GREB1: variants seen among roughly 807,000 people sequenced by gnomAD.
GREB1 encodes protein GREB1.
In GREB1, 106 loss-of-function variants were observed where a neutral mutation model predicts 200.7. The ratio of observed to expected loss-of-function variants is 0.53; its 90% CI spans 0.45 to 0.62. The LOEUF (loss-of-function observed/expected upper bound fraction) is 0.62. Ranked by LOEUF, GREB1 falls within the 20% of genes least tolerant of loss-of-function variation. The pLI is 0.00. For missense variants in GREB1, 2,243 were observed against 2,556.8 expected, an observed-to-expected ratio of 0.88 and a Z score of 2.65; for synonymous variants, 1,132 against 1,092.4, an observed-to-expected ratio of 1.04 and a Z score of -0.72.
chr2:11,627,894 TTAA>T (rs1684596219), intron 25 of GREB1, among the ~76,000 whole-genome samples: 1 of 152,172 alleles, frequency 6.6e-6, no homozygotes, highest in African/African-American at 2.4e-5. Flanking sequence ...TTTGGAAGAA[TTAA>T]TAAGAATTTG....
rs375509817 is a variant in GREB1, at chr2:11,618,473, C to A, written c.3598C>A (p.Pro1200Thr). 1.9e-6 allele frequency: 3 copies of A among 1,607,396 alleles called. No individual in the cohort carries two copies. The African/African-American group carries it at 4.0e-5, about 21-fold the overall frequency. The change falls in exon 22 of 33, where the codon CCC (proline) becomes ACC (threonine). Residue 1200 changes from proline (P) to threonine (T), a missense_variant. This residue lies in a region of GREB1 where 587 missense variants were observed against 553.1 expected (regional missense o/e 1.06). Transcript: ENST00000381486. ...GCACAGTCCCGGGCCGACGCCCCAG[C>A]CCGACTGTAGCCTCAGGACCGGCCA... is the stretch of plus-strand genomic sequence containing the variant. ...SRHSPGPTPQ[P>T]DCSLRTGQRS...
Position 11,610,835 on chromosome 2 carries a change from C to T in GREB1, c.2814C>T (p.Ser938=). 3 of 1,613,428 alleles carry T rather than the reference C, an allele frequency of 1.9e-6. No individual in the cohort carries two copies. The highest frequency in any genetic ancestry group is 2.5e-6 in the Non-Finnish European group (3 of 1,179,962). Residue 938 remains serine, a synonymous_variant, in exon 18 of 33, where the codon TCC becomes TCT. Transcript: ENST00000381486. Reference sequence around the variant, plus strand: ...AGATCACGCAGAACCTCCTCAACTCCCCGAAGCAGTGCCCCTGCGGCCACG... The same window carrying T: ...AGATCACGCAGAACCTCCTCAACTCTCCGAAGCAGTGCCCCTGCGGCCACG... ...TLEITQNLLN[S]PKQCPCGHGL...
Position 11,580,937 on chromosome 2 carries a change from T to G in GREB1, c.901+105T>G. ...GCTGGGGCCGCTGAGCCTCCTGGAG[T>G]CTGATGTGGCTTCCATGAGAGTCAG... is the stretch of plus-strand genomic sequence containing the variant. On this transcript the variant is annotated intron_variant, in intron 7 of 32. Coordinates refer to ENST00000381486, the MANE Select transcript of GREB1 (RefSeq NM_014668.4). This position sits in a 1 kb window ranked among gnomAD's most constrained non-coding sequence, Gnocchi z 4.5. 7.2e-7 allele frequency: 1 copy of G among 1,398,200 alleles called. No individual in the cohort carries two copies. The highest frequency in any genetic ancestry group is 1.0e-6 in the Non-Finnish European group (1 of 997,100). 86.6% of individuals were successfully genotyped at this position (1,398,200 alleles called of 1,614,324 possible). A position where few individuals can be genotyped will look rare whatever the true frequency, so the allele number is the denominator to read the frequency against.
At chr2:11,491,451 T>C (rs767559769) in intron 1 of GREB1, among the ~76,000 whole-genome samples, 22 of 152,328 alleles carry the variant, frequency 1.4e-4, no homozygotes, top group Non-Finnish European at 2.5e-4. Context: ...AAAAGCTTAC[T>C]AAAGGTTTTT....
At position 11,630,453 on chromosome 2, in the gene GREB1, G is replaced by A. The variant is rs115060549; in HGVS notation, c.4611+344G>A. ...CTTCCGTGCCCGGAAGATAACAGGA[G>A]CTGGGTAGACGTTCATCCCCTCCCT... On this transcript the variant is annotated intron_variant, in intron 26 of 32. Coordinates refer to ENST00000381486, the MANE Select transcript of GREB1 (RefSeq NM_014668.4). Among the ~76,000 whole-genome samples, 754 of 152,316 alleles carry A rather than the reference G, an allele frequency of 5.0e-3. 11 individuals are homozygous for A. Among genetic ancestry groups the A allele is most frequent in the African/African-American group, 0.017 (720 of 41,562 alleles).
intron 1 of GREB1, among the ~76,000 whole-genome samples, chr2:11,528,191 CA>C: frequency 6.6e-6 from 1 of 152,174 alleles, no homozygotes; most frequent in Non-Finnish European, 1.5e-5. Flanking sequence ...GAACAGATCA[CA>C]AAAATCTAGA....
chr2:11,551,993 G>T (rs9784028), intron 1 of GREB1, among the ~76,000 whole-genome samples: 1 of 152,156 alleles, frequency 6.6e-6, no homozygotes, highest in Non-Finnish European at 1.5e-5. Flanking sequence ...TAATGATTAC[G>T]CACTGACTAT....
At position 11,640,181 on chromosome 2, in the gene GREB1, C is replaced by T. The variant is rs754531985; in HGVS notation, c.5687-110C>T. On this transcript the variant is annotated intron_variant, in intron 32 of 32. Transcript: ENST00000381486. The surrounding 1 kb of genome is among the most constrained non-coding windows in gnomAD (Gnocchi z 4.6). ...GGGGCCGACTTGGATGCCGCTTCTG[C>T]CCTTCCCAACAGCGCCCTGTCTTGT... 3.9e-5 allele frequency: 40 copies of T among 1,020,116 alleles called. No homozygotes were observed. The highest frequency in any genetic ancestry group is 5.4e-5 in the Non-Finnish European group (38 of 703,744). The allele number at this position is 1,020,116 out of a possible 1,614,324, so 63.2% of individuals were successfully genotyped here.
chr2:11,541,444 A>G (rs1464146212), intron 1 of GREB1, among the ~76,000 whole-genome samples: 1 of 148,294 alleles, frequency 6.7e-6, no homozygotes, highest in Non-Finnish European at 1.5e-5. Flanking sequence ...ATGGCAAGTG[A>G]GAGGGGGGCC....
At chr2:11,549,821 CTT>C (rs753901636) in intron 1 of GREB1, among the ~76,000 whole-genome samples, 43 of 152,152 alleles carry the variant, frequency 2.8e-4, no homozygotes, top group Non-Finnish European at 5.4e-4. Flanking sequence ...TCTTTTGTCT[CTT>C]TGTTTCTTTT....
intron 16 of GREB1, 51 bp downstream of exon 16, chr2:11,601,046 T>G: frequency 6.8e-7 from 1 of 1,468,168 alleles, no homozygotes; most frequent in Non-Finnish European, 9.4e-7. Flanking sequence ...CACTTGGGTT[T>G]GCAGAAATTA....
intron 1 of GREB1, among the ~76,000 whole-genome samples, chr2:11,486,296 G>A (rs900603604): frequency 2.6e-5 from 4 of 152,050 alleles, no homozygotes; most frequent in African/African-American, 9.7e-5. Flanking sequence ...CACATATATT[G>A]TAGTACTTTT....
intron 11 of GREB1, among the ~76,000 whole-genome samples, chr2:11,594,241 C>T (rs1681006252): frequency 6.6e-6 from 1 of 151,964 alleles, no homozygotes; most frequent in Non-Finnish European, 1.5e-5. Context: ...AACTCTTGGG[C>T]TCAAGCAGTC....
intron 18 of GREB1, 36 bp downstream of exon 18, chr2:11,611,063 G>GGGGT: frequency 6.8e-7 from 1 of 1,481,178 alleles, no homozygotes; most frequent in Admixed American, 2.1e-5. Context: ...GGAGGGCCTG[G>GGGGT]GGGTACCTGG....
chr2:11,587,291 C>A, intron 9 of GREB1: 1 of 946,176 alleles, frequency 1.1e-6, no homozygotes, highest in Non-Finnish European at 1.7e-6. Context: ...TTTCCTCTGC[C>A]CCCCTTGTCA....
Position 11,598,733 on chromosome 2 carries a change from G to C in GREB1, c.2206G>C (p.Glu736Gln), listed in dbSNP as rs1438311332. The C allele has an allele frequency of 1.2e-6, 2 of 1,614,078 alleles. No homozygotes were observed. The highest frequency in any genetic ancestry group is 1.7e-6 in the Non-Finnish European group (2 of 1,180,036). The change falls in exon 15 of 33, where the codon GAA becomes CAA. Residue 736 changes from glutamate (E) to glutamine (Q), a missense_variant. Coordinates refer to ENST00000381486, the MANE Select transcript of GREB1 (RefSeq NM_014668.4). ...KKEHMTKQRVEQYVLKLDTEA... is the reference protein window; with the variant it reads ...KKEHMTKQRVQQYVLKLDTEA... ...AGAGCACATGACGAAGCAGAGGGTG[G>C]AACAGTATGTTCTGAAGCTAGACAC...
chr2:11,619,141 GGC>G (rs963119555), intron 22 of GREB1, among the ~76,000 whole-genome samples: 1 of 152,166 alleles, frequency 6.6e-6, no homozygotes, highest in African/African-American at 2.4e-5. Flanking sequence ...TGATGTAGGG[GGC>G]GGACAGGAGA....
chr2:11,552,838 C>T (rs1223960853), intron 1 of GREB1, among the ~76,000 whole-genome samples: 3 of 152,012 alleles, frequency 2.0e-5, no homozygotes, highest in South Asian at 2.1e-4. Context: ...GGTGAAACCC[C>T]GTCTCTACTA....
rs1244347278 is a variant in GREB1, at chr2:11,580,570, A to C, written c.773-134A>C. On this transcript the variant is annotated intron_variant, in intron 6 of 32. Transcript: ENST00000381486. This position sits in a 1 kb window ranked among gnomAD's most constrained non-coding sequence, Gnocchi z 4.5. ...CAGTGTAGCAGAATCACTGTTGGGC[A>C]TTCTGACCTCCTGATGAGACTTGCT... 4 of 969,018 alleles carry C rather than the reference A, an allele frequency of 4.1e-6. No individual in the cohort carries two copies. The East Asian group carries it at 9.6e-5, about 23-fold the overall frequency. The allele number at this position is 969,018 out of a possible 1,614,324, so 60.0% of individuals were successfully genotyped here. A position where few individuals can be genotyped will look rare whatever the true frequency, so the allele number is the denominator to read the frequency against.
Sources: gnomAD v4.1 joint callset for allele counts (sites outside exome capture counted in the v4.1 genomes callset) on GRCh38, gnomAD v4.1.1 for gene constraint, gnomAD v4.1.1 regional missense constraint, Gnocchi (gnomAD v3.1) non-coding constraint, MANE v1.5 for transcripts, NCBI Gene and HGNC (gene_info 2026-07-23, HGNC 2026-07-21) for gene names.